The following DCAF6 variants were observed in gnomAD, a reference collection of about 807,000 sequenced individuals.
DCAF6 encodes the protein DDB1- and CUL4-associated factor 6.
DCAF6 carries 54 observed loss-of-function variants against 125.1 expected under a neutral mutation model. That is an observed-to-expected ratio of 0.43 (90% CI 0.35 to 0.54). The LOEUF is 0.54. Ranked by LOEUF, DCAF6 falls within the 20% of genes least tolerant of loss-of-function variation. The pLI is 0.01. For synonymous variants in DCAF6, 371 were observed against 390.4 expected (o/e 0.95, Z 0.58); for missense variants, 934 against 1,161.7 (o/e 0.80, Z 2.85).
the DCAF6 span, among the ~76,000 whole-genome samples, chr1:167,880,842 G>A: frequency 2.6e-5 from 4 of 152,194 alleles, no homozygotes; most frequent in Non-Finnish European, 2.9e-5. Flanking sequence ...AGTGAATAGG[G>A]CTGAGCTATC....
intron 5 of DCAF6, among the ~76,000 whole-genome samples, chr1:167,988,674 T>C (rs1680370226): frequency 6.6e-6 from 1 of 152,166 alleles, no homozygotes; most frequent in Admixed American, 6.5e-5. Context: ...GGTACTACTG[T>C]TAATCAGGTT....
chr1:168,008,908 C>T (rs1016326906), intron 10 of DCAF6, among the ~76,000 whole-genome samples: 1 of 136,954 alleles, frequency 7.3e-6, no homozygotes, highest in South Asian at 2.7e-4. Flanking sequence ...TCCCTCCCTC[C>T]CTTCCTCCCA....
chr1:167,881,955 G>A, the DCAF6 span, among the ~76,000 whole-genome samples: 1 of 152,292 alleles, frequency 6.6e-6, no homozygotes, highest in East Asian at 1.9e-4. Context: ...TAGAATGCAT[G>A]CTTCCTGCCT....
At chr1:168,029,298 T>C (rs757776848) in intron 12 of DCAF6, among the ~76,000 whole-genome samples, 22 of 152,244 alleles carry the variant, frequency 1.4e-4, no homozygotes, top group Non-Finnish European at 2.8e-4. Flanking sequence ...AGGTGAATTA[T>C]CTTAATTTTA....
the DCAF6 span, among the ~76,000 whole-genome samples, chr1:167,892,076 G>C: frequency 3.3e-5 from 5 of 151,278 alleles, no homozygotes; most frequent in Non-Finnish European, 1.5e-5. Context: ...TTGCTCAAGT[G>C]ATCCTCTCAC....
intron 17 of DCAF6, among the ~76,000 whole-genome samples, chr1:168,053,025 C>T (rs1193724106): frequency 6.6e-6 from 1 of 152,150 alleles, no homozygotes; most frequent in Admixed American, 6.5e-5. Flanking sequence ...TATTGGAGTT[C>T]TCTGAATACA....
At chr1:167,923,503 T>C in the DCAF6 span, among the ~76,000 whole-genome samples, 9 of 152,184 alleles carry the variant, frequency 5.9e-5, 1 homozygote, top group South Asian at 1.5e-3. Flanking sequence ...GTGAAATTCA[T>C]AGAGACAGAA....
chr1:167,899,253 TCC>T, the DCAF6 span, among the ~76,000 whole-genome samples: 3 of 152,160 alleles, frequency 2.0e-5, no homozygotes, highest in African/African-American at 7.2e-5. Context: ...CCTGGGCTCC[TCC>T]CAGAGGAGCT....
the DCAF6 span, among the ~76,000 whole-genome samples, chr1:167,907,034 A>C: frequency 6.6e-6 from 1 of 152,230 alleles, no homozygotes; most frequent in Non-Finnish European, 1.5e-5. Flanking sequence ...TTGCTAAGAA[A>C]GAATTGAAAT....
intron 1 of DCAF6, among the ~76,000 whole-genome samples, chr1:167,942,384 T>C (rs1672387266): frequency 6.6e-6 from 1 of 151,576 alleles, no homozygotes; most frequent in Non-Finnish European, 1.5e-5. Context: ...ATTTCTCTAG[T>C]GGTTAATGAT....
At chr1:168,059,408 T>A (rs997446835) in intron 17 of DCAF6, among the ~76,000 whole-genome samples, 1 of 152,156 alleles carries the variant, frequency 6.6e-6, no homozygotes, top group Non-Finnish European at 1.5e-5. Flanking sequence ...CTTTTGTAAT[T>A]ATTATAGCTT....
intron 4 of DCAF6, among the ~76,000 whole-genome samples, chr1:167,981,208 C>T (rs1679080033): frequency 6.6e-6 from 1 of 151,840 alleles, no homozygotes; most frequent in Non-Finnish European, 1.5e-5. Flanking sequence ...TCCCGGCCTC[C>T]CCCATGTTTT....
At chr1:167,977,322 T>C (rs1189683497) in intron 4 of DCAF6, among the ~76,000 whole-genome samples, 2 of 151,572 alleles carry the variant, frequency 1.3e-5, no homozygotes, top group Non-Finnish European at 2.9e-5. Flanking sequence ...GTGAAAAATG[T>C]CTTTTTTTTT....
chr1:167,877,210 T>G, the DCAF6 span, among the ~76,000 whole-genome samples: 1 of 150,718 alleles, frequency 6.6e-6, no homozygotes, highest in African/African-American at 2.4e-5. Flanking sequence ...AGTTTTTGAA[T>G]TTATAAAATG....
At chr1:168,028,052 T>G (rs1686571264) in intron 12 of DCAF6, among the ~76,000 whole-genome samples, 1 of 152,184 alleles carries the variant, frequency 6.6e-6, no homozygotes, top group African/African-American at 2.4e-5. Flanking sequence ...TCTGTGCTAA[T>G]TATGCATAAA....
At chr1:167,888,893 A>AG in the DCAF6 span, among the ~76,000 whole-genome samples, 65 of 151,514 alleles carry the variant, frequency 4.3e-4, 1 homozygote, top group African/African-American at 1.3e-3. Context: ...AAAAAAAAGA[A>AG]AAAGAAAGAA....
intron 2 of DCAF6, among the ~76,000 whole-genome samples, chr1:167,958,222 G>T (rs1464587030): frequency 6.6e-6 from 1 of 151,994 alleles, no homozygotes; most frequent in Non-Finnish European, 1.5e-5. Flanking sequence ...ATCACTGGTC[G>T]TGAAGATTTA....
At chr1:168,049,425 GTTGTTGT>G (rs1439251780) in intron 16 of DCAF6, among the ~76,000 whole-genome samples, 341 of 85,796 alleles carry the variant, frequency 4.0e-3, no homozygotes, top group African/African-American at 0.016. Flanking sequence ...TGTTGTTGTT[GTTGTTGT>G]TTTTTTTTTT....
At chr1:167,931,240 T>C (rs1670900569), upstream of DCAF6, among the ~76,000 whole-genome samples, 2 of 152,238 alleles carry the variant, frequency 1.3e-5, no homozygotes, top group Admixed American at 6.5e-5. Context: ...CTGATATTCC[T>C]TTTTATGAAT....
Sources: gnomAD v4.1 joint callset for allele counts (sites outside exome capture counted in the v4.1 genomes callset) on GRCh38, gnomAD v4.1.1 for gene constraint, MANE v1.5 for transcripts, NCBI Gene and HGNC (gene_info 2026-07-23, HGNC 2026-07-21) for gene names.